PDE1C: variants seen among roughly 807,000 people sequenced by gnomAD.
The protein encoded by PDE1C is phosphodiesterase 1C.
Under a neutral mutation model 93.1 loss-of-function variants are expected in PDE1C, and 62 were observed. The ratio of observed to expected loss-of-function variants is 0.67; its 90% CI spans 0.54 to 0.82. The LOEUF is 0.82. PDE1C is among the 40% of genes least tolerant of loss of function. The pLI is 0.00. For synonymous variants in PDE1C, 325 were observed against 310.1 expected (o/e 1.05, Z -0.50); for missense variants, 742 against 884.6 (o/e 0.84, Z 2.04).
chr7:31,960,898 G>A (rs904157160), intron 2 of PDE1C, among the ~76,000 whole-genome samples: 4 of 152,180 alleles, frequency 2.6e-5, no homozygotes, highest in Admixed American at 1.3e-4. Flanking sequence ...ATCTTTGTCA[G>A]TCATGCAGTT....
At chr7:31,744,338 A>G in the PDE1C span, among the ~76,000 whole-genome samples, 1 of 152,164 alleles carries the variant, frequency 6.6e-6, no homozygotes, top group Non-Finnish European at 1.5e-5. Flanking sequence ...TGAAGAAACA[A>G]ACCTATACAG....
intron 14 of PDE1C, among the ~76,000 whole-genome samples, chr7:31,821,276 C>T (rs1171024606): frequency 1.3e-4 from 20 of 152,138 alleles, no homozygotes; most frequent in Admixed American, 1.3e-3. Flanking sequence ...ATCTCTATCC[C>T]CATACCAAAT....
chr7:32,085,699 A>G (rs2128741212), intron 3 of PDE1C, among the ~76,000 whole-genome samples: 1 of 151,536 alleles, frequency 6.6e-6, no homozygotes, highest in East Asian at 1.9e-4. Context: ...CTGGTTCAAT[A>G]TACACAAATC....
At chr7:32,300,095 T>TC (rs1812845161), upstream of PDE1C, among the ~76,000 whole-genome samples, 1 of 151,564 alleles carries the variant, frequency 6.6e-6, no homozygotes, top group Admixed American at 6.7e-5. Context: ...AGAAACCTTG[T>TC]CCCAAAAAAA....
chr7:31,904,367 A>AT (rs1174184580), intron 2 of PDE1C, among the ~76,000 whole-genome samples: 24 of 151,922 alleles, frequency 1.6e-4, no homozygotes, highest in Admixed American at 7.9e-4. Context: ...AAATAAAAAA[A>AT]AAATCTATAT....
chr7:32,122,494 A>T lies in PDE1C; in HGVS notation c.308+47291T>A, dbSNP rs370350000. 9.2e-5 allele frequency among the ~76,000 whole-genome samples: 14 copies of T among 152,308 alleles called. No individual in the cohort carries two copies. The South Asian group carries it at 2.7e-3, about 29-fold the overall frequency. On this transcript the variant is annotated intron_variant, in intron 3 of 18. Coordinates refer to the PDE1C transcript ENST00000396193. Reference sequence around the variant, plus strand: ...TAACACACTCCTCAGCAAATGCAAAAGAACTAAAATCATAACAGTCTCTTA... The same window carrying T: ...TAACACACTCCTCAGCAAATGCAAATGAACTAAAATCATAACAGTCTCTTA...
At chr7:31,940,514 A>G (rs59386951) in intron 2 of PDE1C, among the ~76,000 whole-genome samples, 5,052 of 152,278 alleles carry the variant, frequency 0.033, 271 homozygotes, top group African/African-American at 0.12. Flanking sequence ...CAAACAGGCC[A>G]GTGTTGCTGG....
chr7:31,651,970 G>A, the PDE1C span: 3 of 1,603,706 alleles, frequency 1.9e-6, no homozygotes, highest in South Asian at 1.1e-5. Context: ...AACGTTACGT[G>A]AGGCCCTGAG....
intron 1 of PDE1C, among the ~76,000 whole-genome samples, chr7:32,276,876 G>C (rs908836943): frequency 1.3e-5 from 2 of 152,038 alleles, no homozygotes; most frequent in African/African-American, 4.8e-5. Context: ...CAAAATCCTG[G>C]CTTTTATGAG....
In PDE1C at chr7:31,950,984, G is replaced by A. The variant is rs112403549; in HGVS notation, c.129-70124C>T. 9.1e-3 allele frequency among the ~76,000 whole-genome samples: 1,379 copies of A among 152,194 alleles called. 20 individuals carry two copies. Among genetic ancestry groups the A allele is most frequent in the African/African-American group, 0.031 (1,297 of 41,520 alleles). ...CTGGAGGCGGAAAGTCCAACATCAA[G>A]GCATTTCTGGGTTGAGTTTCTCCTG... On this transcript the variant is annotated intron_variant, in intron 2 of 17. Coordinates refer to ENST00000396191, the MANE Select transcript of PDE1C (RefSeq NM_001191057.4).
chr7:32,245,973 T>C (rs1370827813), intron 1 of PDE1C, among the ~76,000 whole-genome samples: 16 of 146,186 alleles, frequency 1.1e-4, no homozygotes, highest in South Asian at 2.2e-4. Flanking sequence ...CTTTTCTTTT[T>C]TTTTTTTTTT....
chr7:31,899,581 T>G (rs942278781), intron 2 of PDE1C, among the ~76,000 whole-genome samples: 2 of 151,970 alleles, frequency 1.3e-5, no homozygotes, highest in Non-Finnish European at 2.9e-5. Flanking sequence ...GCAATACAGA[T>G]TTTACATCAT....
chr7:31,890,873 G>A (rs554193299), intron 2 of PDE1C, among the ~76,000 whole-genome samples: 2 of 152,186 alleles, frequency 1.3e-5, no homozygotes, highest in African/African-American at 4.8e-5. Flanking sequence ...TGAGGCTGCC[G>A]CTTTGAATGT....
chr7:32,147,984 T>TAAAAAAAAAAAAAAAAAAAAAAAAAAAAA (rs752433564), intron 3 of PDE1C, among the ~76,000 whole-genome samples: 4 of 79,730 alleles, frequency 5.0e-5, no homozygotes, highest in African/African-American at 1.1e-4. Context: ...CCATTTATGC[T>TAAAAAAAAAAAAAAAAAAAAAAAAAAAAA]AAAAAAAAAA....
intron 2 of PDE1C, among the ~76,000 whole-genome samples, chr7:32,183,244 C>G (rs1803569878): frequency 6.6e-6 from 1 of 152,144 alleles, no homozygotes; most frequent in Non-Finnish European, 1.5e-5. Flanking sequence ...TTTATAGATT[C>G]AATGCCATCC....
At chr7:32,428,221 T>A (rs1365709359), upstream of PDE1C, 1 of 152,386 alleles carries the variant, frequency 6.6e-6, no homozygotes, top group Non-Finnish European at 1.5e-5. Context: ...TCCCTCCTGG[T>A]GCCGGGGCGC....
intron 3 of PDE1C, chr7:32,169,724 T>TG: frequency 6.9e-7 from 1 of 1,447,064 alleles, no homozygotes; most frequent in Non-Finnish European, 9.7e-7. Flanking sequence ...TGCATCTAAC[T>TG]GGATTGAAAC....
chr7:32,282,485 A>AATAGATAGCTAGATAG lies in PDE1C; in HGVS notation c.85+16165_85+16166insCTATCTAGCTATCTAT, dbSNP rs376678996. Among the ~76,000 whole-genome samples, 66 of 143,934 alleles carry AATAGATAGCTAGATAG rather than the reference A, an allele frequency of 4.6e-4. 1 individual carries two copies. Among genetic ancestry groups the AATAGATAGCTAGATAG allele is most frequent in the Non-Finnish European group, 6.9e-4 (46 of 66,474 alleles). The allele number at this position is 143,934 out of a possible 152,430, so 94.4% of individuals were successfully genotyped here. The stretch of plus-strand genomic sequence containing the variant: ...AAAGGCCAAACTCCATCAAAAAAAA[A>AATAGATAGCTAGATAG]ATAGATAGATAGATAGATAGATAGA... On this transcript the variant is annotated intron_variant, in intron 1 of 18. Coordinates refer to the PDE1C transcript ENST00000396193.
At chr7:32,341,391 G>A (rs1259878912) in intron 1 of PDE1C, among the ~76,000 whole-genome samples, 2 of 150,584 alleles carry the variant, frequency 1.3e-5, no homozygotes, top group Non-Finnish European at 3.0e-5. Flanking sequence ...TAGCCAGGAT[G>A]GTCTCGATCT....
Sources: allele counts gnomAD v4.1 joint callset (sites outside exome capture counted in the v4.1 genomes callset), GRCh38; gene constraint gnomAD v4.1.1; transcripts MANE v1.5; gene names NCBI Gene and HGNC (gene_info 2026-07-23, HGNC 2026-07-21).